The following UNC5D variants were observed in gnomAD, a reference collection of about 807,000 sequenced individuals.
UNC5D encodes netrin receptor UNC5D.
In UNC5D, 39 loss-of-function variants were observed where a neutral mutation model predicts 105.4. The observed-to-expected ratio is 0.37, with a 90% CI of 0.29 to 0.48. The LOEUF (loss-of-function observed/expected upper bound fraction) is 0.48. UNC5D is among the 20% of genes least tolerant of loss of function. The probability of loss-of-function intolerance (pLI) is 0.98; values close to 1 mark genes in which losing one functional copy is unlikely to be tolerated. For synonymous variants in UNC5D, 452 were observed against 450.4 expected, an observed-to-expected ratio of 1.00 and a Z score of -0.04; for missense variants, 991 against 1,202.4, an observed-to-expected ratio of 0.82 and a Z score of 2.60.
At chr8:35,519,417 G>A in intron 1 of UNC5D, among the ~76,000 whole-genome samples, 1 of 152,096 alleles carries the variant, frequency 6.6e-6, no homozygotes. Flanking sequence ...ACCCACATGC[G>A]CATAAGCAGT....
chr8:35,498,099 A>C (rs1023974486), intron 1 of UNC5D, among the ~76,000 whole-genome samples: 3 of 106,176 alleles, frequency 2.8e-5, no homozygotes, highest in African/African-American at 1.4e-4. Flanking sequence ...AAAAAAAAAA[A>C]AAAAAAAAAA....
At chr8:35,447,045 T>A (rs1158545782) in intron 1 of UNC5D, among the ~76,000 whole-genome samples, 1 of 152,016 alleles carries the variant, frequency 6.6e-6, no homozygotes, top group East Asian at 1.9e-4. Flanking sequence ...TCCTCAGAGC[T>A]AAGAGTGAGC....
intron 1 of UNC5D, among the ~76,000 whole-genome samples, chr8:35,311,760 A>C (rs538870784): frequency 6.6e-6 from 1 of 152,306 alleles, no homozygotes; most frequent in African/African-American, 2.4e-5. Flanking sequence ...TGGAGAAGGA[A>C]TAGAGAAGGA....
At chr8:35,365,296 A>G (rs1463789144) in intron 1 of UNC5D, among the ~76,000 whole-genome samples, 2 of 151,914 alleles carry the variant, frequency 1.3e-5, no homozygotes, top group Non-Finnish European at 2.9e-5. Context: ...TTTTTTTTAT[A>G]CAGTCTTCTA....
chr8:35,479,324 G>A lies in UNC5D; in HGVS notation c.104-69968G>A, dbSNP rs375613043. 5.3e-5 allele frequency among the ~76,000 whole-genome samples: 8 copies of A among 152,208 alleles called. 1 individual carries two copies. The highest frequency in any genetic ancestry group is 1.7e-4 in the African/African-American group (7 of 41,554). On this transcript the variant is annotated intron_variant, in intron 1 of 16. Coordinates refer to ENST00000404895, the MANE Select transcript of UNC5D (RefSeq NM_080872.4). ...ATCAAGATTCCTGATCTCCATATCT[G>A]ATTAGTGAGACAAAAGTGTCAATCC...
intron 3 of UNC5D, among the ~76,000 whole-genome samples, chr8:35,594,514 AATCT>A (rs2130897237): frequency 6.6e-6 from 1 of 152,274 alleles, no homozygotes; most frequent in Admixed American, 6.5e-5. Flanking sequence ...GGGAGGGCAA[AATCT>A]TTTACATTGA....
intron 1 of UNC5D, among the ~76,000 whole-genome samples, chr8:35,362,946 C>T (rs1022771711): frequency 3.3e-5 from 5 of 152,088 alleles, no homozygotes; most frequent in Admixed American, 2.0e-4. Context: ...ATCCACAAAT[C>T]GTATTTCTAA....
chr8:35,558,570 A>G (rs533953733), intron 2 of UNC5D, among the ~76,000 whole-genome samples: 1 of 152,332 alleles, frequency 6.6e-6, no homozygotes, highest in East Asian at 1.9e-4. Context: ...ATATAAGTGG[A>G]AGACTCACTT....
At chr8:35,402,998 C>G (rs1161952593) in intron 1 of UNC5D, among the ~76,000 whole-genome samples, 3 of 152,146 alleles carry the variant, frequency 2.0e-5, no homozygotes, top group Non-Finnish European at 2.9e-5. Flanking sequence ...GTATCATGGT[C>G]AAATCCTGCT....
At chr8:35,357,010 A>G (rs1202576153) in intron 1 of UNC5D, among the ~76,000 whole-genome samples, 1 of 152,110 alleles carries the variant, frequency 6.6e-6, no homozygotes, top group Non-Finnish European at 1.5e-5. Flanking sequence ...TTTTCAGACC[A>G]AGATTGACCA....
rs1470953624 is a variant in UNC5D, at chr8:35,235,830, C to T, written c.46C>T (p.Arg16Cys). The T allele has an allele frequency of 4.1e-6, 5 of 1,230,160 alleles. No individual in the cohort carries two copies. Among genetic ancestry groups the T allele is most frequent in the Non-Finnish European group, 5.1e-6 (5 of 986,710 alleles). 76.2% of individuals were successfully genotyped at this position (1,230,160 alleles called of 1,614,324 possible). ...ATAGGGGGAR[R>C]WLPWLGLCFW... ...CGCAGGCGGCGGCGGAGGGGCGCGC[C>T]GCTGGCTCCCGTGGCTGGGGCTGTG... Residue 16 changes from arginine (R) to cysteine (C), a missense_variant, in exon 1 of 17, where the codon CGC becomes TGC. Physicochemically the swap from Arg to Cys is radical, Grantham distance 180 (BLOSUM62 -3). Around this residue, in one of 3 missense-constraint regions of UNC5D, gnomAD observed 944 missense variants for 1,131.6 expected, o/e 0.83. Coordinates refer to ENST00000404895, the MANE Select transcript of UNC5D (RefSeq NM_080872.4).
chr8:35,694,438 T>C (rs902110308), intron 7 of UNC5D, among the ~76,000 whole-genome samples: 1 of 152,186 alleles, frequency 6.6e-6, no homozygotes, highest in Admixed American at 6.5e-5. Context: ...TGAATATCCA[T>C]CCTTTAAATG....
In UNC5D at chr8:35,686,548, A is replaced by G. The variant is rs1412081891; in HGVS notation, c.923A>G (p.Asp308Gly). 12 of 1,563,328 alleles carry G rather than the reference A, an allele frequency of 7.7e-6. No individual in the cohort carries two copies. Among genetic ancestry groups the G allele is most frequent in the African/African-American group, 1.4e-5 (1 of 71,334 alleles). The change falls in exon 7 of 17, where the codon GAT (aspartate) becomes GGT (glycine). Residue 308 changes from aspartate (D) to glycine (G), a missense_variant. Coordinates refer to ENST00000404895, the MANE Select transcript of UNC5D (RefSeq NM_080872.4). Reference protein sequence around the residue: ...KITCTSLCPVDGSWEVWSEWS... With the variant: ...KITCTSLCPVGGSWEVWSEWS... The stretch of plus-strand genomic sequence containing the variant: ...TTTCTTTTGTTTCCCTTTGAAGTGG[A>G]TGGGAGCTGGGAAGTGTGGAGCGAA...
intron 1 of UNC5D, among the ~76,000 whole-genome samples, chr8:35,258,321 T>C (rs1374623382): frequency 6.6e-6 from 1 of 152,220 alleles, no homozygotes; most frequent in Non-Finnish European, 1.5e-5. Context: ...TATGGTTGCA[T>C]TGGGGATTAA....
At chr8:35,708,059 A>G (rs1390595104) in intron 8 of UNC5D, among the ~76,000 whole-genome samples, 2 of 152,188 alleles carry the variant, frequency 1.3e-5, no homozygotes, top group Non-Finnish European at 2.9e-5. Context: ...GTGAGACTAC[A>G]TGAATCATCA....
rs1333916520 is a variant in UNC5D at position 35,793,473 on chromosome 8, C to T, written c.*2910C>T. ...AAAATGAAACAAAATTAAAAGTGGC[C>T]TCGAGTACTTGGTAAGTTACTTAAA... On this transcript the variant is annotated 3_prime_UTR_variant, in exon 17 of 17. Transcript: ENST00000404895. 6.2e-6 allele frequency: 1 copy of T among 160,164 alleles called. No individual in the cohort carries two copies. Among genetic ancestry groups the T allele is most frequent in the Non-Finnish European group, 1.4e-5 (1 of 72,952 alleles). The allele number at this position is 160,164 out of a possible 1,614,324, so 9.9% of individuals were successfully genotyped here.
chr8:35,552,872 C>T (rs1437635591), intron 2 of UNC5D, among the ~76,000 whole-genome samples: 1 of 152,018 alleles, frequency 6.6e-6, no homozygotes, highest in Non-Finnish European at 1.5e-5. Flanking sequence ...AGAGGGCAAC[C>T]AAGGGAATGA....
At chr8:35,643,558 T>G (rs1822877682) in intron 4 of UNC5D, among the ~76,000 whole-genome samples, 1 of 152,110 alleles carries the variant, frequency 6.6e-6, no homozygotes, top group Non-Finnish European at 1.5e-5. Flanking sequence ...TATTGTATTT[T>G]TAGCAGAGAC....
chr8:35,303,683 G>C (rs1005281545), intron 1 of UNC5D, among the ~76,000 whole-genome samples: 1 of 152,116 alleles, frequency 6.6e-6, no homozygotes, highest in Admixed American at 6.6e-5. Context: ...TAATGGGCTC[G>C]AATGCCTAAA....
Sources: allele counts gnomAD v4.1 joint callset (sites outside exome capture counted in the v4.1 genomes callset), GRCh38; gene constraint gnomAD v4.1.1; regional missense constraint gnomAD v4.1.1; transcripts MANE v1.5; gene names NCBI Gene and HGNC (gene_info 2026-07-23, HGNC 2026-07-21).